Variants in GRID1 observed in about 807,000 individuals in gnomAD.
GRID1 encodes the protein glutamate receptor ionotropic, delta-1.
A neutral mutation model predicts 98.0 loss-of-function variants in GRID1; 28 were observed. The ratio of observed to expected loss-of-function variants is 0.29; its 90% CI spans 0.21 to 0.39. The LOEUF is 0.39. Ranked by LOEUF, GRID1 falls within the 10% of genes least tolerant of loss-of-function variation. GRID1 has a pLI of 1.00. For synonymous variants in GRID1, 553 were observed against 538.5 expected (o/e 1.03, Z -0.37); for missense variants, 1,111 against 1,340.5 (o/e 0.83, Z 2.67).
intron 10 of GRID1, among the ~76,000 whole-genome samples, chr10:85,727,376 G>A (rs142542111): frequency 4.4e-4 from 67 of 152,292 alleles, no homozygotes; most frequent in Middle Eastern, 3.4e-3. Flanking sequence ...CAGTTTCTAC[G>A]GGAGGGAAGA....
At chr10:85,747,828 C>A (rs576595495) in intron 8 of GRID1, among the ~76,000 whole-genome samples, 1 of 152,140 alleles carries the variant, frequency 6.6e-6, no homozygotes, top group Non-Finnish European at 1.5e-5. Flanking sequence ...AAAGATGGGT[C>A]TTCCCATATC....
chr10:86,235,817 A>G (rs1408673868), intron 2 of GRID1, among the ~76,000 whole-genome samples: 3 of 152,256 alleles, frequency 2.0e-5, no homozygotes, highest in South Asian at 2.1e-4. Flanking sequence ...TGTTGTATCC[A>G]GTTTGAGGCC....
At chr10:86,302,435 C>T (rs544978244) in intron 2 of GRID1, among the ~76,000 whole-genome samples, 123 of 152,350 alleles carry the variant, frequency 8.1e-4, no homozygotes, top group Admixed American at 5.8e-3. Flanking sequence ...CCTCTCCCCA[C>T]CTCCCCACAA....
At chr10:85,991,913 G>A (rs887225500) in intron 4 of GRID1, among the ~76,000 whole-genome samples, 1 of 152,174 alleles carries the variant, frequency 6.6e-6, no homozygotes, top group African/African-American at 2.4e-5. Context: ...AAGTTTCTAG[G>A]CAGAGCAGCA....
chr10:85,807,618 T>C (rs1276501508), intron 8 of GRID1, among the ~76,000 whole-genome samples: 1 of 152,050 alleles, frequency 6.6e-6, no homozygotes, highest in Non-Finnish European at 1.5e-5. Flanking sequence ...AATTAACATA[T>C]GAAGAGCTGC....
chr10:85,680,296 T>C (rs1467471298), intron 12 of GRID1, among the ~76,000 whole-genome samples: 3 of 152,048 alleles, frequency 2.0e-5, no homozygotes, highest in Admixed American at 6.5e-5. Flanking sequence ...CTTCCTCCAT[T>C]CCAGCTGCCC....
chr10:85,732,845 C>T (rs938295414), intron 8 of GRID1, among the ~76,000 whole-genome samples: 6 of 152,136 alleles, frequency 3.9e-5, no homozygotes, highest in African/African-American at 1.4e-4. Flanking sequence ...TGACTCTCAA[C>T]CTCACTTTAG....
intron 4 of GRID1, among the ~76,000 whole-genome samples, chr10:86,012,868 T>C (rs1192015771): frequency 2.0e-5 from 3 of 152,256 alleles, no homozygotes; most frequent in African/African-American, 7.2e-5. Context: ...TACTATTGTT[T>C]ATAAGCGAAA....
intron 2 of GRID1, among the ~76,000 whole-genome samples, chr10:86,230,381 C>A (rs1273346981): frequency 1.3e-5 from 2 of 152,230 alleles, no homozygotes. Context: ...GACAACACCA[C>A]CAGGAACTCC....
rs1590152832 is a variant in GRID1, at chr10:85,602,141, C to A, written c.*132G>T. 1.8e-6 allele frequency: 1 copy of A among 555,766 alleles called. No homozygotes were observed. The highest frequency in any genetic ancestry group is 3.1e-6 in the Non-Finnish European group (1 of 321,630). 34.4% of individuals were successfully genotyped at this position (555,766 alleles called of 1,614,324 possible). A position where few individuals can be genotyped will look rare whatever the true frequency, so the allele number is the denominator to read the frequency against. ...TTCTGTCATTATTTACACATATGTA[C>A]AAGAAAAATGAAAGAGTCTCTGTGT... On this transcript the variant is annotated 3_prime_UTR_variant, in exon 16 of 16. Coordinates refer to ENST00000327946, the MANE Select transcript of GRID1 (RefSeq NM_017551.3).
At chr10:85,733,434 G>A (rs1437002149) in intron 8 of GRID1, among the ~76,000 whole-genome samples, 1 of 152,194 alleles carries the variant, frequency 6.6e-6, no homozygotes, top group Non-Finnish European at 1.5e-5. Flanking sequence ...ATGGGAACTT[G>A]GAGGTGTGAA....
chr10:86,160,945 G>A (rs752585683), intron 3 of GRID1, among the ~76,000 whole-genome samples: 1 of 152,174 alleles, frequency 6.6e-6, no homozygotes, highest in African/African-American at 2.4e-5. Context: ...TATTATTAGA[G>A]GCCAAAATCC....
intron 8 of GRID1, among the ~76,000 whole-genome samples, chr10:85,802,737 A>G (rs898797432): frequency 3.3e-5 from 5 of 151,764 alleles, no homozygotes; most frequent in African/African-American, 1.2e-4. Context: ...GTTTTCAAAC[A>G]CTGGACAAGA....
At chr10:85,866,001 A>G (rs1489992853) in intron 6 of GRID1, among the ~76,000 whole-genome samples, 1 of 129,854 alleles carries the variant, frequency 7.7e-6, no homozygotes, top group Non-Finnish European at 1.6e-5. Flanking sequence ...AGAGAGAGGC[A>G]TCTAGGGTCA....
intron 3 of GRID1, among the ~76,000 whole-genome samples, chr10:86,150,652 T>C (rs1845152424): frequency 6.6e-6 from 1 of 152,216 alleles, no homozygotes; most frequent in Non-Finnish European, 1.5e-5. Flanking sequence ...ACTGAATGTT[T>C]GTGCTCCCCC....
In GRID1 at chr10:86,338,035, T is replaced by G. The variant is rs942933166; in HGVS notation, c.235+25906A>C. Among the ~76,000 whole-genome samples the G allele has an allele frequency of 2.6e-5, 4 of 152,122 alleles. No individual in the cohort carries two copies. The South Asian group carries it at 6.2e-4, about 24-fold the overall frequency. ...GAACTTCTTTCTAATTCCACCTGGT[T>G]TTGGAAAGAAGTGAGACACGTGGCT... On this transcript the variant is annotated intron_variant, in intron 2 of 15. Transcript: ENST00000327946.
At chr10:85,758,735 A>G (rs1372514932) in intron 8 of GRID1, among the ~76,000 whole-genome samples, 3 of 152,222 alleles carry the variant, frequency 2.0e-5, no homozygotes, top group African/African-American at 7.2e-5. Context: ...ATAGTAGCTC[A>G]CCACAGCCTA....
In GRID1 at chr10:85,601,459, CCCT is replaced by C. The variant is rs1404661957; in HGVS notation, c.*811_*813del. On this transcript the variant is annotated 3_prime_UTR_variant, in exon 16 of 16. Transcript: ENST00000327946. ...CTCCCTGAGGAAACGATGGAGTCTG[CCCT>C]CCTTCCCCCAATATTCTATCACTTT... 12 of 152,204 alleles carry C rather than the reference CCCT, an allele frequency of 7.9e-5. No individual in the cohort carries two copies. The highest frequency in any genetic ancestry group is 7.9e-4 in the Admixed American group (12 of 15,286). 9.4% of individuals were successfully genotyped at this position (152,204 alleles called of 1,614,324 possible).
chr10:86,201,464 T>C (rs183775354), intron 3 of GRID1, among the ~76,000 whole-genome samples: 167 of 151,890 alleles, frequency 1.1e-3, no homozygotes, highest in African/African-American at 3.6e-3. Context: ...CACTTATAAG[T>C]GGGAACTAAA....
Sources: gnomAD v4.1 joint callset for allele counts (sites outside exome capture counted in the v4.1 genomes callset) on GRCh38, gnomAD v4.1.1 for gene constraint, MANE v1.5 for transcripts, NCBI Gene and HGNC (gene_info 2026-07-23, HGNC 2026-07-21) for gene names.